CPNE4: variants seen among roughly 807,000 people sequenced by gnomAD.
CPNE4 encodes copine 4.
In CPNE4, 25 loss-of-function variants were observed where a neutral mutation model predicts 67.9. The ratio of observed to expected loss-of-function variants is 0.37; its 90% CI spans 0.27 to 0.51. CPNE4 has a LOEUF of 0.51. CPNE4 is among the 20% of genes least tolerant of loss of function. CPNE4 has a pLI of 0.93. For missense variants in CPNE4, 464 were observed against 690.8 expected (o/e 0.67, Z 3.68); for synonymous variants, 242 against 244.9 (o/e 0.99, Z 0.11).
At chr3:131,947,400 C>T (rs77655668) in intron 1 of CPNE4, among the ~76,000 whole-genome samples, 5 of 152,052 alleles carry the variant, frequency 3.3e-5, no homozygotes, top group African/African-American at 4.8e-5. Context: ...TCCCACCCCC[C>T]AATAGGCCCC....
At chr3:131,994,860 C>A (rs949488770) in intron 1 of CPNE4, among the ~76,000 whole-genome samples, 2 of 152,170 alleles carry the variant, frequency 1.3e-5, no homozygotes, top group Non-Finnish European at 2.9e-5. Flanking sequence ...AAAGCATATG[C>A]TTCCAAATAC....
chr3:131,781,644 A>G (rs1323169167), intron 2 of CPNE4, among the ~76,000 whole-genome samples: 1 of 152,128 alleles, frequency 6.6e-6, no homozygotes, highest in Non-Finnish European at 1.5e-5. Context: ...GTGAGGCCAC[A>G]AAAGTGTAAA....
intron 2 of CPNE4, among the ~76,000 whole-genome samples, chr3:131,873,359 G>C (rs2107699042): frequency 6.6e-6 from 1 of 152,248 alleles, no homozygotes. Context: ...GATATGGTGG[G>C]GATGGAAATT....
At chr3:131,767,994 A>AT (rs2083066245) in intron 2 of CPNE4, among the ~76,000 whole-genome samples, 1 of 152,080 alleles carries the variant, frequency 6.6e-6, no homozygotes, top group African/African-American at 2.4e-5. Flanking sequence ...CATAGAGATT[A>AT]TAAAAAGTAG....
intron 2 of CPNE4, among the ~76,000 whole-genome samples, chr3:131,833,838 T>C (rs535339007): frequency 1.3e-5 from 2 of 152,342 alleles, no homozygotes; most frequent in South Asian, 4.1e-4. Context: ...CATTTCATGG[T>C]GCTTCCGTCT....
intron 10 of CPNE4, among the ~76,000 whole-genome samples, chr3:131,573,725 C>T (rs182434747): frequency 3.7e-4 from 56 of 152,194 alleles, no homozygotes; most frequent in Non-Finnish European, 7.5e-4. Context: ...TATGGGTATG[C>T]TCAGAGCAGC....
intron 7 of CPNE4, among the ~76,000 whole-genome samples, chr3:131,642,647 TACC>T (rs1322007771): frequency 1.3e-5 from 2 of 152,172 alleles, no homozygotes; most frequent in Non-Finnish European, 2.9e-5. Context: ...TGGGGGCAGT[TACC>T]CCCATGCTGC....
At chr3:131,777,354 A>G (rs2107845483) in intron 2 of CPNE4, among the ~76,000 whole-genome samples, 1 of 150,930 alleles carries the variant, frequency 6.6e-6, no homozygotes, top group South Asian at 2.1e-4. Context: ...GGTGATTTTG[A>G]ATCAGAGAAA....
intron 2 of CPNE4, among the ~76,000 whole-genome samples, chr3:131,800,058 G>A (rs760414358): frequency 1.6e-4 from 24 of 151,918 alleles, no homozygotes; most frequent in Non-Finnish European, 3.4e-4. Flanking sequence ...ATTGTGTGAT[G>A]CTGAGGTTTG....
chr3:131,815,052 G>A (rs1272569889), intron 2 of CPNE4, among the ~76,000 whole-genome samples: 1 of 152,186 alleles, frequency 6.6e-6, no homozygotes, highest in African/African-American at 2.4e-5. Context: ...AAGACTGGAA[G>A]AGTTAAATAC....
intron 10 of CPNE4, among the ~76,000 whole-genome samples, chr3:131,565,414 TG>T (rs901596655): frequency 3.3e-5 from 5 of 152,050 alleles, no homozygotes; most frequent in Non-Finnish European, 7.4e-5. Context: ...GTGTTATATT[TG>T]GTAAATTTCA....
chr3:131,975,581 G>A (rs2072628128), intron 1 of CPNE4, among the ~76,000 whole-genome samples: 1 of 152,158 alleles, frequency 6.6e-6, no homozygotes, highest in African/African-American at 2.4e-5. Flanking sequence ...CACTGCTTCT[G>A]CAGGCCCTGA....
At chr3:131,859,601 G>T (rs977809942) in intron 2 of CPNE4, among the ~76,000 whole-genome samples, 4 of 152,096 alleles carry the variant, frequency 2.6e-5, no homozygotes, top group Non-Finnish European at 5.9e-5. Context: ...GAATCTCTGG[G>T]GGTGGAACTT....
At chr3:131,673,464 G>A (rs2080477709) in intron 6 of CPNE4, among the ~76,000 whole-genome samples, 1 of 151,978 alleles carries the variant, frequency 6.6e-6, no homozygotes, top group African/African-American at 2.4e-5. Context: ...TCTAATCCCT[G>A]AACATGGACT....
intron 1 of CPNE4, among the ~76,000 whole-genome samples, chr3:132,020,874 A>G (rs2073981529): frequency 6.6e-6 from 1 of 152,218 alleles, no homozygotes; most frequent in Admixed American, 6.5e-5. Flanking sequence ...TGCTGAACAC[A>G]AACAATAAAC....
At chr3:131,582,659 A>G (rs1266164595) in intron 8 of CPNE4, among the ~76,000 whole-genome samples, 1 of 152,154 alleles carries the variant, frequency 6.6e-6, no homozygotes, top group Non-Finnish European at 1.5e-5. Context: ...ATTTTGGCCA[A>G]TGGGACATTA....
At chr3:131,644,904 T>C (rs1469845122) in intron 7 of CPNE4, among the ~76,000 whole-genome samples, 2 of 152,216 alleles carry the variant, frequency 1.3e-5, no homozygotes, top group Non-Finnish European at 2.9e-5. Flanking sequence ...ATTCCAACTG[T>C]AGATAATTTA....
intron 8 of CPNE4, among the ~76,000 whole-genome samples, chr3:131,584,615 A>G (rs1238669701): frequency 6.6e-6 from 1 of 152,174 alleles, no homozygotes; most frequent in Non-Finnish European, 1.5e-5. Context: ...TTATCTACAC[A>G]GTAGCAAAAG....
chr3:131,947,457 A>T (rs532670467), intron 1 of CPNE4, among the ~76,000 whole-genome samples: 55 of 151,550 alleles, frequency 3.6e-4, no homozygotes, highest in Admixed American at 1.1e-3. Context: ...TCATCGTTCA[A>T]CTCTCACTTA....
Sources: allele counts gnomAD v4.1 joint callset (sites outside exome capture counted in the v4.1 genomes callset), GRCh38; gene constraint gnomAD v4.1.1; transcripts MANE v1.5; gene names NCBI Gene and HGNC (gene_info 2026-07-23, HGNC 2026-07-21).